SLC9C2: variants seen among roughly 807,000 people sequenced by gnomAD.
SLC9C2 encodes the protein solute carrier family 9 member C2 (putative), also known as sodium/hydrogen exchanger 11.
A neutral mutation model predicts 140.2 loss-of-function variants in SLC9C2; 75 were observed. The ratio of observed to expected loss-of-function variants is 0.53; its 90% CI spans 0.44 to 0.65. SLC9C2 has a LOEUF of 0.65. SLC9C2 is among the 30% of genes least tolerant of loss of function. The pLI, the probability that SLC9C2 is intolerant of heterozygous loss-of-function variation, is 0.00. For missense variants in SLC9C2, 1,074 were observed against 1,331.8 expected (o/e 0.81, Z 3.01); for synonymous variants, 375 against 420.9 (o/e 0.89, Z 1.34).
chr1:173,547,834 A>C lies in SLC9C2; in HGVS notation c.1462-50T>G, dbSNP rs1662968650. 1.5e-6 allele frequency: 2 copies of C among 1,363,714 alleles called. 1 individual carries two copies. Among genetic ancestry groups the C allele is most frequent in the Admixed American group, 3.7e-5 (2 of 54,480 alleles). The allele number at this position is 1,363,714 out of a possible 1,614,324, so 84.5% of individuals were successfully genotyped here. A position where few individuals can be genotyped will look rare whatever the true frequency, so the allele number is the denominator to read the frequency against. On this transcript the variant is annotated intron_variant, in intron 12 of 27. Coordinates refer to ENST00000367714, the MANE Select transcript of SLC9C2 (RefSeq NM_178527.4). ...AAAACATAAAGGGATAAAGTTAAAA[A>C]TAAGTAAAAATGATTAGGAACTGGC... is the stretch of plus-strand genomic sequence containing the variant.
intron 13 of SLC9C2, among the ~76,000 whole-genome samples, chr1:173,542,540 G>A (rs1030636151): frequency 2.0e-5 from 3 of 152,054 alleles, no homozygotes; most frequent in African/African-American, 7.2e-5. Context: ...ACCAAAGCCT[G>A]GCAGAGACAC....
chr1:173,576,758 C>G lies in SLC9C2; in HGVS notation c.805G>C (p.Glu269Gln). The change falls in exon 8 of 28, where the codon GAA (glutamate) becomes CAA (glutamine). Residue 269 changes from glutamate (E) to glutamine (Q), a missense_variant and splice_region_variant. Glu to Gln is a conservative substitution (Grantham distance 29, BLOSUM62 2). Transcript: ENST00000367714. ...SMVYMTFYIV[E>Q]FLGMSGTLAL... ...AGAGTGCCTGACATTCCTAAAAATT[C>G]CACTGGGGAGAAAAAAAAAACAAAT... is the stretch of plus-strand genomic sequence containing the variant. The G allele has an allele frequency of 6.3e-7, 1 of 1,589,016 alleles. No homozygotes were observed. Among genetic ancestry groups the G allele is most frequent in the Non-Finnish European group, 8.6e-7 (1 of 1,166,538 alleles).
chr1:173,503,214 G>T, intron 27 of SLC9C2, 52 bp downstream of exon 27: 1 of 1,499,900 alleles, frequency 6.7e-7, no homozygotes, highest in South Asian at 1.2e-5. Flanking sequence ...TAGCTGTATA[G>T]TTCAATATTT....
Position 173,591,584 on chromosome 1 carries a change from T to C in SLC9C2, c.358-3754A>G, listed in dbSNP as rs150609375. On this transcript the variant is annotated intron_variant, in intron 4 of 27. Transcript: ENST00000367714. ...AACAGCCATTCTGACTGGTGTGAGATAGTATCTCATTGTGGTTTTGATTTG... is the reference window on the plus strand; with the variant it reads ...AACAGCCATTCTGACTGGTGTGAGACAGTATCTCATTGTGGTTTTGATTTG... Among the ~76,000 whole-genome samples, 503 of 152,300 alleles carry C rather than the reference T, an allele frequency of 3.3e-3. 3 individuals carry two copies. The highest frequency in any genetic ancestry group is 0.011 in the African/African-American group (465 of 41,564).
intron 23 of SLC9C2, among the ~76,000 whole-genome samples, chr1:173,516,429 C>T (rs1389914898): frequency 1.3e-5 from 2 of 150,768 alleles, no homozygotes; most frequent in African/African-American, 5.0e-5. Flanking sequence ...AAGCCTAGTA[C>T]CCGTAGTTAT....
At chr1:173,577,043 T>C (rs1245841725) in intron 7 of SLC9C2, among the ~76,000 whole-genome samples, 2 of 152,244 alleles carry the variant, frequency 1.3e-5, no homozygotes, top group African/African-American at 4.8e-5. Context: ...AATATGTAAA[T>C]GGATGTGTCC....
At chr1:173,558,042 CG>C (rs759377868) in intron 9 of SLC9C2, among the ~76,000 whole-genome samples, 2 of 152,272 alleles carry the variant, frequency 1.3e-5, no homozygotes, top group South Asian at 4.1e-4. Context: ...CTTTTCTATA[CG>C]ACCCTGTGCC....
At chr1:173,533,320 GT>G (rs1183151781) in intron 17 of SLC9C2, among the ~76,000 whole-genome samples, 1 of 152,094 alleles carries the variant, frequency 6.6e-6, no homozygotes, top group East Asian at 1.9e-4. Flanking sequence ...ATTGCACTCT[GT>G]CTGACTGGAG....
At chr1:173,565,921 T>C (rs1205775630) in intron 9 of SLC9C2, among the ~76,000 whole-genome samples, 1 of 152,176 alleles carries the variant, frequency 6.6e-6, no homozygotes, top group South Asian at 2.1e-4. Flanking sequence ...TTTTTCATCA[T>C]CAATTGAAAT....
At chr1:173,514,301 T>C (rs1323697843) in intron 23 of SLC9C2, among the ~76,000 whole-genome samples, 3 of 152,212 alleles carry the variant, frequency 2.0e-5, no homozygotes, top group Non-Finnish European at 2.9e-5. Flanking sequence ...AGTCTCTTTG[T>C]AAGTCTCTAA....
chr1:173,508,625 C>G (rs1217564075), intron 24 of SLC9C2, among the ~76,000 whole-genome samples: 2 of 152,186 alleles, frequency 1.3e-5, no homozygotes, highest in African/African-American at 4.8e-5. Context: ...ACCTGACTGG[C>G]TTGTATGACA....
chr1:173,545,186 A>G (rs891223058), intron 13 of SLC9C2, among the ~76,000 whole-genome samples: 1 of 152,202 alleles, frequency 6.6e-6, no homozygotes, highest in African/African-American at 2.4e-5. Flanking sequence ...ATTGTCTGAT[A>G]CAGTCAACAG....
Position 173,601,818 on chromosome 1 carries a change from TTTGGTTATTA to T in SLC9C2, c.-52_-43del. Reference sequence around the variant, plus strand: ...CCCCAGACCTAACTTGATGGAGTGGTTTGGTTATTATTGACACTTTCACTTCTGCATGCTA... The same window carrying T: ...CCCCAGACCTAACTTGATGGAGTGGTTTGACACTTTCACTTCTGCATGCTA... On this transcript the variant is annotated 5_prime_UTR_variant, in exon 2 of 28. Transcript: ENST00000367714. The T allele has an allele frequency of 6.2e-7, 1 of 1,610,420 alleles. No individual in the cohort carries two copies. Among genetic ancestry groups the T allele is most frequent in the Non-Finnish European group, 8.5e-7 (1 of 1,178,334 alleles).
chr1:173,589,765 G>T (rs1158860167), intron 4 of SLC9C2, among the ~76,000 whole-genome samples: 1 of 152,044 alleles, frequency 6.6e-6, no homozygotes, highest in Non-Finnish European at 1.5e-5. Flanking sequence ...TATTGGAAAA[G>T]AATAAAGGTT....
intron 11 of SLC9C2, 74 bp from the exon 12 acceptor site, chr1:173,548,626 T>C: frequency 1.3e-6 from 2 of 1,536,224 alleles, no homozygotes; most frequent in Non-Finnish European, 9.0e-7. Flanking sequence ...AAATGTTGCA[T>C]GATCATGTAG....
At chr1:173,600,274 T>G in intron 2 of SLC9C2, 57 bp from the exon 3 acceptor site, 1 of 1,256,790 alleles carries the variant, frequency 8.0e-7, no homozygotes, top group Non-Finnish European at 1.1e-6. Context: ...TTCTACCAAA[T>G]GTGTATCACT....
chr1:173,543,795 T>C (rs1459187947), intron 13 of SLC9C2, among the ~76,000 whole-genome samples: 9 of 152,350 alleles, frequency 5.9e-5, no homozygotes, highest in African/African-American at 2.2e-4. Context: ...GAAAGCTGGC[T>C]AGCCATACGT....
intron 13 of SLC9C2, among the ~76,000 whole-genome samples, chr1:173,541,135 C>G (rs6666642): frequency 0.11 from 16,972 of 151,474 alleles, 3,162 homozygotes; most frequent in African/African-American, 0.39. Flanking sequence ...AACACACATA[C>G]TCTCAAAATA....
At chr1:173,537,764 G>A (rs1003755271) in intron 13 of SLC9C2, among the ~76,000 whole-genome samples, 25 of 151,996 alleles carry the variant, frequency 1.6e-4, no homozygotes, top group Non-Finnish European at 7.4e-5. Flanking sequence ...AATCATTTCA[G>A]CCCCACAAAG....
Sources: gnomAD v4.1 joint callset for allele counts (sites outside exome capture counted in the v4.1 genomes callset) on GRCh38, gnomAD v4.1.1 for gene constraint, MANE v1.5 for transcripts, NCBI Gene and HGNC (gene_info 2026-07-23, HGNC 2026-07-21) for gene names.